The following CNTN1 variants were observed in gnomAD, a reference collection of about 807,000 sequenced individuals.
The protein encoded by CNTN1 is contactin 1.
In CNTN1, 38 loss-of-function variants were observed where a neutral mutation model predicts 126.4. That is an observed-to-expected ratio of 0.30 (90% confidence interval 0.23 to 0.39). CNTN1 has a LOEUF of 0.39. CNTN1 is among the 10% of genes least tolerant of loss of function. The pLI is 1.00. For synonymous variants in CNTN1, 413 were observed against 422.6 expected (o/e 0.98, Z 0.28); for missense variants, 1,009 against 1,248.4 (o/e 0.81, Z 2.89).
chr12:40,876,256 G>A (rs1009030887), intron 1 of CNTN1, among the ~76,000 whole-genome samples: 12 of 152,014 alleles, frequency 7.9e-5, no homozygotes, highest in African/African-American at 1.9e-4. Context: ...GACACGGCAT[G>A]TGAGAAAGAA....
intron 1 of CNTN1, among the ~76,000 whole-genome samples, chr12:40,717,382 C>A (rs953808760): frequency 1.3e-5 from 2 of 152,120 alleles, no homozygotes; most frequent in Non-Finnish European, 2.9e-5. Flanking sequence ...GAACACTGAG[C>A]TACTTTTCAC....
chr12:40,986,916 G>A (rs1378290761), intron 16 of CNTN1, among the ~76,000 whole-genome samples: 1 of 152,112 alleles, frequency 6.6e-6, no homozygotes, highest in Admixed American at 6.6e-5. Flanking sequence ...GTAAATATCT[G>A]TTAGAAGTTA....
At chr12:40,839,219 G>A (rs1269235254) in intron 1 of CNTN1, among the ~76,000 whole-genome samples, 1 of 151,962 alleles carries the variant, frequency 6.6e-6, no homozygotes, top group African/African-American at 2.4e-5. Context: ...AAATAATGCA[G>A]TCAGACAAAA....
intron 1 of CNTN1, among the ~76,000 whole-genome samples, chr12:40,805,013 A>G (rs1274739088): frequency 6.6e-6 from 1 of 152,068 alleles, no homozygotes; most frequent in African/African-American, 2.4e-5. Context: ...ACTGACAAAA[A>G]AGTCTGACTT....
chr12:40,780,900 G>A (rs1279725315), intron 1 of CNTN1, among the ~76,000 whole-genome samples: 1 of 143,238 alleles, frequency 7.0e-6, no homozygotes, highest in Non-Finnish European at 1.5e-5. Context: ...AAAGAATTTT[G>A]TGCAAAAATG....
chr12:41,016,960 C>G (rs764651320), intron 19 of CNTN1, 44 bp downstream of exon 19: 1 of 1,498,124 alleles, frequency 6.7e-7, no homozygotes, highest in Non-Finnish European at 9.3e-7. Context: ...GGAGGAAAAA[C>G]GTATTTCTCT....
intron 1 of CNTN1, among the ~76,000 whole-genome samples, chr12:40,693,447 T>G (rs1161646726): frequency 6.6e-6 from 1 of 152,158 alleles, no homozygotes; most frequent in African/African-American, 2.4e-5. Context: ...GTTGGCCCAG[T>G]GCCGGTTCCT....
chr12:40,860,657 G>C (rs1436817237), intron 1 of CNTN1, among the ~76,000 whole-genome samples: 1 of 152,122 alleles, frequency 6.6e-6, no homozygotes, highest in African/African-American at 2.4e-5. Context: ...AAAGGGAGGA[G>C]ATATGTAGGG....
At chr12:41,022,920 T>A (rs907478076) in intron 20 of CNTN1, among the ~76,000 whole-genome samples, 1 of 152,148 alleles carries the variant, frequency 6.6e-6, no homozygotes, top group Non-Finnish European at 1.5e-5. Flanking sequence ...TTAAACCTTT[T>A]ACACAGGGTC....
intron 1 of CNTN1, among the ~76,000 whole-genome samples, chr12:40,755,782 G>A (rs1432294206): frequency 1.3e-5 from 2 of 151,952 alleles, no homozygotes; most frequent in Admixed American, 6.6e-5. Flanking sequence ...TATGTATAAG[G>A]GGGAAGTTTT....
At chr12:40,882,630 T>A (rs1361411096) in intron 1 of CNTN1, among the ~76,000 whole-genome samples, 1 of 151,632 alleles carries the variant, frequency 6.6e-6, no homozygotes. Flanking sequence ...TTTCTCCTGT[T>A]GCCCATCTCT....
At chr12:40,805,253 C>T (rs73112696) in intron 1 of CNTN1, among the ~76,000 whole-genome samples, 8,023 of 151,864 alleles carry the variant, frequency 0.053, 713 homozygotes, top group African/African-American at 0.18. Flanking sequence ...ATTTCTTCTA[C>T]CCCCTTTTCC....
intron 1 of CNTN1, among the ~76,000 whole-genome samples, chr12:40,888,493 C>T (rs953975908): frequency 1.5e-4 from 23 of 152,112 alleles, no homozygotes; most frequent in Non-Finnish European, 2.9e-5. Context: ...ATAATTCAGT[C>T]TGTAATCATG....
At chr12:40,915,213 T>C (rs918415116) in intron 3 of CNTN1, among the ~76,000 whole-genome samples, 1 of 152,156 alleles carries the variant, frequency 6.6e-6, no homozygotes, top group Admixed American at 6.6e-5. Context: ...TAGAAATATG[T>C]TCATGTGAAT....
chr12:41,029,169 G>A lies in CNTN1; in HGVS notation c.2930G>A (p.Arg977His). Residue 977 changes from arginine (R) to histidine (H), a missense_variant, in exon 23 of 24, where the codon CGC becomes CAC. Coordinates refer to ENST00000551295, the MANE Select transcript of CNTN1 (RefSeq NM_001843.4). ...PRDGEYVVEV[R>H]AHSDGGDGVV... The stretch of plus-strand genomic sequence containing the variant: ...GATGGAGAATACGTTGTGGAGGTTC[G>A]CGCGCACAGTGATGGAGGAGATGGA... 6.2e-7 allele frequency: 1 copy of A among 1,614,014 alleles called. No individual in the cohort carries two copies.
intron 1 of CNTN1, among the ~76,000 whole-genome samples, chr12:40,818,737 G>C (rs1031320557): frequency 1.3e-5 from 2 of 152,124 alleles, no homozygotes; most frequent in Admixed American, 6.6e-5. Flanking sequence ...AATTATTTGG[G>C]GGAGAGGAGG....
intron 6 of CNTN1, among the ~76,000 whole-genome samples, chr12:40,928,115 T>C (rs1945757963): frequency 6.6e-6 from 1 of 152,078 alleles, no homozygotes; most frequent in African/African-American, 2.4e-5. Context: ...AAAAGTCCTT[T>C]CTCTGTAAGG....
Position 40,876,953 on chromosome 12 carries a change from T to A in CNTN1, c.-76-31404T>A, listed in dbSNP as rs183391599. 3.8e-4 allele frequency among the ~76,000 whole-genome samples: 58 copies of A among 152,300 alleles called. 1 individual carries two copies. Among genetic ancestry groups the A allele is most frequent in the Admixed American group, 3.7e-3 (56 of 15,288 alleles). On this transcript the variant is annotated intron_variant, in intron 1 of 23. Transcript: ENST00000551295. Reference sequence around the variant, plus strand: ...TATTTTTCTCTAAATTTTGGGCTACTTGTCTTTGTATACTGTTTCAAAACC... The same window carrying A: ...TATTTTTCTCTAAATTTTGGGCTACATGTCTTTGTATACTGTTTCAAAACC...
chr12:40,767,970 C>T (rs1592065197), intron 1 of CNTN1, among the ~76,000 whole-genome samples: 1 of 141,522 alleles, frequency 7.1e-6, no homozygotes, highest in South Asian at 2.4e-4. Context: ...AATATTTTAT[C>T]AGTTATACTT....
Sources: allele counts gnomAD v4.1 joint callset (sites outside exome capture counted in the v4.1 genomes callset), GRCh38; gene constraint gnomAD v4.1.1; transcripts MANE v1.5; gene names NCBI Gene and HGNC (gene_info 2026-07-23, HGNC 2026-07-21).